The following RBFOX1 variants were observed in gnomAD, a reference collection of about 807,000 sequenced individuals.
The protein encoded by RBFOX1 is RNA binding protein fox-1 homolog 1.
In RBFOX1, 8 loss-of-function variants were observed where a neutral mutation model predicts 57.7. The ratio of observed to expected loss-of-function variants is 0.14; its 90% confidence interval spans 0.08 to 0.25. The LOEUF (loss-of-function observed/expected upper bound fraction) is 0.25, where lower values mean the gene tolerates loss of function less well. Among genes scored for constraint, RBFOX1 ranks in the 10% least tolerant of loss-of-function variants. The pLI, the probability that RBFOX1 is intolerant of heterozygous loss-of-function variation, is 1.00. For missense variants in RBFOX1, 611 were observed against 548.5 expected, an observed-to-expected ratio of 1.11 and a Z score of -1.14; for synonymous variants, 326 against 222.4, an observed-to-expected ratio of 1.47 and a Z score of -4.15.
intron 9 of RBFOX1, among the ~76,000 whole-genome samples, chr16:7,605,899 C>T (rs2095265316): frequency 6.6e-6 from 1 of 152,098 alleles, no homozygotes. Flanking sequence ...AGTACAGTGG[C>T]ACCATCTTGG....
intron 1 of RBFOX1, among the ~76,000 whole-genome samples, chr16:6,120,217 G>A (rs1215476176): frequency 2.0e-5 from 3 of 152,086 alleles, no homozygotes; most frequent in South Asian, 2.1e-4. Flanking sequence ...TTTCCTTGAC[G>A]TAAATAGCTG....
At chr16:7,430,995 G>A (rs1295965311) in intron 4 of RBFOX1, among the ~76,000 whole-genome samples, 1 of 152,144 alleles carries the variant, frequency 6.6e-6, no homozygotes, top group Non-Finnish European at 1.5e-5. Flanking sequence ...ATGTTGTATG[G>A]TAGTTTTGCT....
At chr16:5,560,750 T>C (rs1028438634) in intron 2 of RBFOX1, among the ~76,000 whole-genome samples, 7 of 152,332 alleles carry the variant, frequency 4.6e-5, no homozygotes, top group African/African-American at 1.7e-4. Flanking sequence ...ATTGGACTTC[T>C]CTGGACAAGA....
Position 7,415,780 on chromosome 16 carries a change from A to G in RBFOX1, c.28-102367A>G, listed in dbSNP as rs549021789. The stretch of plus-strand genomic sequence containing the variant: ...TTCCAGTGCAGGAAAGTGGAAGAAA[A>G]TAAGAGTATATATATATCTTTCCAG... On this transcript the variant is annotated intron_variant, in intron 4 of 15. Transcript: ENST00000550418. 1.1e-3 allele frequency among the ~76,000 whole-genome samples: 128 copies of G among 114,052 alleles called. 1 individual carries two copies. In the South Asian group the frequency reaches 0.028, roughly 25 times the overall value. 74.8% of individuals were successfully genotyped at this position (114,052 alleles called of 152,430 possible). A position where few individuals can be genotyped will look rare whatever the true frequency, so the allele number is the denominator to read the frequency against.
At chr16:6,355,188 G>C (rs1046079158) in intron 2 of RBFOX1, among the ~76,000 whole-genome samples, 6 of 152,130 alleles carry the variant, frequency 3.9e-5, no homozygotes, top group African/African-American at 1.4e-4. Flanking sequence ...AGAACGTGCA[G>C]TCTTGTTACA....
intron 1 of RBFOX1, among the ~76,000 whole-genome samples, chr16:5,434,730 A>C (rs2067864197): frequency 6.6e-6 from 1 of 152,242 alleles, no homozygotes; most frequent in African/African-American, 2.4e-5. Context: ...TAAGGGATTT[A>C]GCTTATTTGC....
At chr16:5,557,820 T>C (rs1222066040) in intron 2 of RBFOX1, among the ~76,000 whole-genome samples, 1 of 152,196 alleles carries the variant, frequency 6.6e-6, no homozygotes, top group Non-Finnish European at 1.5e-5. Context: ...CCCATAGAAG[T>C]TGCCTTTTGG....
chr16:6,732,402 C>G (rs2345487), intron 3 of RBFOX1, among the ~76,000 whole-genome samples: 137,842 of 152,170 alleles, frequency 0.91, 64,062 homozygotes, highest in East Asian at 1. Flanking sequence ...AGGCAGGTGA[C>G]CTCTCTGGCC....
chr16:6,416,526 T>G (rs571089980), intron 2 of RBFOX1, among the ~76,000 whole-genome samples: 1 of 152,084 alleles, frequency 6.6e-6, no homozygotes, highest in African/African-American at 2.4e-5. Context: ...AGAGATTGTA[T>G]TAATGAGGAA....
chr16:7,153,922 T>A (rs2076584767), intron 4 of RBFOX1, among the ~76,000 whole-genome samples: 1 of 151,096 alleles, frequency 6.6e-6, no homozygotes, highest in South Asian at 2.1e-4. Context: ...AAACCTGGTT[T>A]TAAAAAAAAC....
chr16:6,291,522 C>A (rs2077463704), intron 1 of RBFOX1, among the ~76,000 whole-genome samples: 2 of 152,306 alleles, frequency 1.3e-5, no homozygotes, highest in East Asian at 1.9e-4. Flanking sequence ...AAGCTGGGAA[C>A]TGGTTCATGC....
intron 3 of RBFOX1, among the ~76,000 whole-genome samples, chr16:5,761,383 A>G (rs77663649): frequency 0.017 from 2,582 of 152,296 alleles, 90 homozygotes; most frequent in African/African-American, 0.059. Context: ...CCCAAGGAAT[A>G]TGTTCATAGA....
chr16:7,589,289 G>A (rs922707378), intron 7 of RBFOX1, among the ~76,000 whole-genome samples: 14 of 152,068 alleles, frequency 9.2e-5, no homozygotes, highest in Non-Finnish European at 1.5e-4. Flanking sequence ...TGTAACTTTT[G>A]CCAGTTACAA....
Position 5,973,398 on chromosome 16 carries a change from C to T in RBFOX1, c.351+106063C>T, listed in dbSNP as rs116941020. On this transcript the variant is annotated intron_variant, in intron 4 of 19. Transcript: ENST00000641259. ...CTGACATTGTTTCCTTCAAACTCAT[C>T]ATAGTTAGTATGTCTTGCCATTTTG... Among the ~76,000 whole-genome samples, 745 of 152,304 alleles carry T rather than the reference C, an allele frequency of 4.9e-3. 4 individuals carry two copies. Among genetic ancestry groups the T allele is most frequent in the Middle Eastern group, 0.01 (3 of 294 alleles).
chr16:6,999,225 ATTTAT>A (rs2092571432), intron 3 of RBFOX1, among the ~76,000 whole-genome samples: 1 of 122,956 alleles, frequency 8.1e-6, no homozygotes, highest in Non-Finnish European at 1.7e-5. Context: ...TATTTTTTTT[ATTTAT>A]TTTTTTTTTT....
intron 4 of RBFOX1, among the ~76,000 whole-genome samples, chr16:7,491,110 T>G (rs1334210549): frequency 6.6e-6 from 1 of 152,124 alleles, no homozygotes; most frequent in African/African-American, 2.4e-5. Flanking sequence ...GGCTCTTAAA[T>G]AAAGTCATCA....
intron 3 of RBFOX1, among the ~76,000 whole-genome samples, chr16:5,831,564 G>A (rs941276318): frequency 2.6e-4 from 40 of 151,026 alleles, no homozygotes; most frequent in Non-Finnish European, 5.9e-5. Context: ...ATCTCAGCTC[G>A]CTGCAACCTC....
At chr16:7,394,307 C>T (rs1190422460) in intron 4 of RBFOX1, among the ~76,000 whole-genome samples, 1 of 138,796 alleles carries the variant, frequency 7.2e-6, no homozygotes, top group South Asian at 2.4e-4. Context: ...AGAAAAAAAT[C>T]TGAAATTAGA....
intron 3 of RBFOX1, among the ~76,000 whole-genome samples, chr16:6,936,481 A>G (rs925753725): frequency 1.3e-5 from 2 of 152,116 alleles, no homozygotes; most frequent in East Asian, 1.9e-4. Context: ...CCTTCATCCA[A>G]CATTGAGTAA....
Sources: gnomAD v4.1 joint callset for allele counts (sites outside exome capture counted in the v4.1 genomes callset) on GRCh38, gnomAD v4.1.1 for gene constraint, MANE v1.5 for transcripts, NCBI Gene and HGNC (gene_info 2026-07-23, HGNC 2026-07-21) for gene names.